Variants in SPHKAP observed in about 807,000 individuals in gnomAD.
SPHKAP encodes A-kinase anchor protein SPHKAP.
In SPHKAP, 67 loss-of-function variants were observed where a neutral mutation model predicts 137.5. The ratio of observed to expected loss-of-function variants is 0.49; its 90% CI spans 0.40 to 0.60. The LOEUF is 0.60. Among genes scored for constraint, SPHKAP ranks in the 20% least tolerant of loss-of-function variants. The pLI is 0.00. For synonymous variants in SPHKAP, 813 were observed against 785.3 expected (o/e 1.04, Z -0.59); for missense variants, 2,097 against 2,069.3 (o/e 1.01, Z -0.26).
At chr2:228,096,602 A>G (rs969221268) in intron 3 of SPHKAP, among the ~76,000 whole-genome samples, 1 of 150,932 alleles carries the variant, frequency 6.6e-6, no homozygotes, top group Non-Finnish European at 1.5e-5. Flanking sequence ...GATCTGTTCA[A>G]TTCAAACCCA....
chr2:228,158,732 G>T (rs539652202), intron 1 of SPHKAP, among the ~76,000 whole-genome samples: 49 of 152,118 alleles, frequency 3.2e-4, no homozygotes, highest in African/African-American at 1.2e-3. Context: ...ATGGCATGTT[G>T]GATGTCTACA....
intron 3 of SPHKAP, among the ~76,000 whole-genome samples, chr2:228,029,553 A>G (rs1272843781): frequency 6.6e-6 from 1 of 152,202 alleles, no homozygotes; most frequent in Non-Finnish European, 1.5e-5. Flanking sequence ...AAGAAAGGGC[A>G]TGAAAGGACC....
At chr2:228,004,047 C>T (rs1694023102) in intron 7 of SPHKAP, among the ~76,000 whole-genome samples, 1 of 152,128 alleles carries the variant, frequency 6.6e-6, no homozygotes, top group Non-Finnish European at 1.5e-5. Context: ...CTCTGCCAGG[C>T]TTTGGTATCA....
chr2:227,995,587 C>T lies in SPHKAP; in HGVS notation c.4556G>A (p.Ser1519Asn). The T allele has an allele frequency of 6.2e-7, 1 of 1,614,094 alleles. No individual in the cohort carries two copies. The highest frequency in any genetic ancestry group is 8.5e-7 in the Non-Finnish European group (1 of 1,179,992). ...TTCCTCATTGGCAAGCTGGGTCCAG[C>T]TGCCTGTGCTCTCCTCGCTGCTGCT... ...PPSSSEESTG[S>N]WTQLANEEDN... Residue 1519 changes from serine (S) to asparagine (N), a missense_variant, in exon 8 of 12, where the codon AGC becomes AAC. Ser to Asn is a conservative substitution (Grantham distance 46). Transcript: ENST00000392056.
At chr2:228,010,164 C>T (rs1049543194) in intron 7 of SPHKAP, among the ~76,000 whole-genome samples, 5 of 152,166 alleles carry the variant, frequency 3.3e-5, no homozygotes, top group African/African-American at 1.2e-4. Flanking sequence ...GTTTGTTTCC[C>T]TTCGCTCAAT....
chr2:227,983,769 T>C (rs1187379256), intron 11 of SPHKAP, among the ~76,000 whole-genome samples: 1 of 152,226 alleles, frequency 6.6e-6, no homozygotes, highest in Non-Finnish European at 1.5e-5. Context: ...AATTTTCTAC[T>C]GCAGGAGTGC....
At chr2:228,117,106 T>A (rs945724834) in intron 2 of SPHKAP, among the ~76,000 whole-genome samples, 1 of 152,120 alleles carries the variant, frequency 6.6e-6, no homozygotes, top group Non-Finnish European at 1.5e-5. Context: ...CTTCCCACTA[T>A]CTATGAGTAT....
Position 228,016,951 on chromosome 2 carries a change from G to A in SPHKAP, c.3903C>T (p.Ile1301=). 6.2e-7 allele frequency: 1 copy of A among 1,614,146 alleles called. No individual in the cohort carries two copies. Among genetic ancestry groups the A allele is most frequent in the Middle Eastern group, 1.6e-4 (1 of 6,062 alleles). The change falls in exon 7 of 12, where the codon ATC becomes ATT. Residue 1301 remains isoleucine (I), a synonymous_variant. Transcript: ENST00000392056. ...ACGTTTCATGAATTAACATGTTGGTGATGTGGTCAGTCCCACCTCTCCGAT... is the reference window on the plus strand; with the variant it reads ...ACGTTTCATGAATTAACATGTTGGTAATGTGGTCAGTCCCACCTCTCCGAT... ...CLYRRGGTDH[I]TNMLIHETWA...
chr2:227,999,256 C>A (rs1334490484), intron 7 of SPHKAP, among the ~76,000 whole-genome samples: 1 of 152,092 alleles, frequency 6.6e-6, no homozygotes, highest in African/African-American at 2.4e-5. Flanking sequence ...ATGCTGCTAA[C>A]ACTTTGTGAA....
chr2:228,131,326 C>T (rs1332798889), intron 2 of SPHKAP: 2 of 984,832 alleles, frequency 2.0e-6, no homozygotes, highest in African/African-American at 3.5e-5. Context: ...TGGAATTCAG[C>T]AGCAAACAGT....
chr2:228,145,267 T>A (rs751533237), intron 1 of SPHKAP, among the ~76,000 whole-genome samples: 3 of 152,222 alleles, frequency 2.0e-5, no homozygotes, highest in Non-Finnish European at 4.4e-5. Flanking sequence ...TGGCCAATAC[T>A]ACTGGTTTCA....
At chr2:227,994,711 C>T (rs536856750) in intron 8 of SPHKAP, among the ~76,000 whole-genome samples, 1 of 152,244 alleles carries the variant, frequency 6.6e-6, no homozygotes, top group Admixed American at 6.5e-5. Context: ...TCCAAAGATT[C>T]GAGTTCTCTT....
intron 1 of SPHKAP, among the ~76,000 whole-genome samples, chr2:228,135,696 T>A (rs1353227656): frequency 1.3e-5 from 2 of 152,208 alleles, no homozygotes; most frequent in African/African-American, 4.8e-5. Context: ...TAAGCCTGTA[T>A]AGCATTAATA....
intron 3 of SPHKAP, among the ~76,000 whole-genome samples, chr2:228,047,493 C>T (rs1696108828): frequency 1.3e-5 from 2 of 151,214 alleles, no homozygotes; most frequent in South Asian, 4.2e-4. Flanking sequence ...CAAAAAACAA[C>T]CTGGTTCAAC....
At chr2:227,987,174 A>G (rs137986412) in intron 11 of SPHKAP, among the ~76,000 whole-genome samples, 1 of 152,216 alleles carries the variant, frequency 6.6e-6, no homozygotes, top group Non-Finnish European at 1.5e-5. Flanking sequence ...AGGCTCCACT[A>G]CCAGAAAGTG....
At chr2:228,049,173 A>G (rs907447889) in intron 3 of SPHKAP, among the ~76,000 whole-genome samples, 2 of 152,230 alleles carry the variant, frequency 1.3e-5, no homozygotes, top group African/African-American at 4.8e-5. Flanking sequence ...CAGCTTACAA[A>G]GTCTAAAACA....
intron 2 of SPHKAP, among the ~76,000 whole-genome samples, chr2:228,112,820 C>T (rs1466754691): frequency 6.6e-6 from 1 of 152,020 alleles, no homozygotes; most frequent in African/African-American, 2.4e-5. Flanking sequence ...AAATAAATAA[C>T]TAAAAATATA....
In SPHKAP at chr2:228,017,313, G is replaced by A; in HGVS notation, c.3541C>T (p.Pro1181Ser). 6.2e-7 allele frequency: 1 copy of A among 1,613,894 alleles called. No homozygotes were observed. The highest frequency in any genetic ancestry group is 8.5e-7 in the Non-Finnish European group (1 of 1,179,958). The change falls in exon 7 of 12, where the codon CCC becomes TCC. Residue 1181 changes from proline to serine, a missense_variant. Transcript: ENST00000392056. Reference sequence around the variant, plus strand: ...CTCTCTGTGCTGGACTGCTTAGAGGGACAGCTAGGCCTCACACTGAGGTGG... The same window carrying A: ...CTCTCTGTGCTGGACTGCTTAGAGGAACAGCTAGGCCTCACACTGAGGTGG... ...SDHLSVRPSC[P>S]SKQSSTESIT...
At chr2:228,080,741 AT>A (rs1697338088) in intron 3 of SPHKAP, among the ~76,000 whole-genome samples, 1 of 29,340 alleles carries the variant, frequency 3.4e-5, no homozygotes, top group Non-Finnish European at 7.0e-5. Context: ...ATAAAATAAA[AT>A]AAAATAAAAT....
Sources: gnomAD v4.1 joint callset for allele counts (sites outside exome capture counted in the v4.1 genomes callset) on GRCh38, gnomAD v4.1.1 for gene constraint, MANE v1.5 for transcripts, NCBI Gene and HGNC (gene_info 2026-07-23, HGNC 2026-07-21) for gene names.